Variants in ZFC3H1 observed in about 807,000 individuals in gnomAD.
The protein encoded by ZFC3H1 is zinc finger C3H1 domain-containing protein.
ZFC3H1 carries 71 observed loss-of-function variants against 243.7 expected under a neutral mutation model. That is an observed-to-expected ratio of 0.29 (90% CI 0.24 to 0.36). The LOEUF is 0.36. Ranked by LOEUF, ZFC3H1 falls within the 10% of genes least tolerant of loss-of-function variation. The pLI, the probability that ZFC3H1 is intolerant of heterozygous loss-of-function variation, is 1.00. For synonymous variants in ZFC3H1, 838 were observed against 813.0 expected (o/e 1.03, Z -0.52); for missense variants, 1,966 against 2,317.1 (o/e 0.85, Z 3.11).
chr12:71,651,519 T>G (rs1880886235), intron 2 of ZFC3H1, among the ~76,000 whole-genome samples: 1 of 152,204 alleles, frequency 6.6e-6, no homozygotes, highest in Non-Finnish European at 1.5e-5. Flanking sequence ...CTCAACTAAT[T>G]TTTGAATAAA....
chr12:71,633,949 C>T (rs138843059), intron 12 of ZFC3H1, among the ~76,000 whole-genome samples: 162 of 152,290 alleles, frequency 1.1e-3, no homozygotes, highest in African/African-American at 3.8e-3. Flanking sequence ...TGAGCCACCG[C>T]GCCTGGCCGG....
rs1378989850 is a variant in ZFC3H1, at chr12:71,663,397, A to G, written c.214T>C (p.Ser72Pro). 1.2e-6 allele frequency: 2 copies of G among 1,611,934 alleles called. No homozygotes were observed. Among genetic ancestry groups the G allele is most frequent in the Non-Finnish European group, 1.7e-6 (2 of 1,180,014 alleles). The change falls in exon 1 of 35, where the codon TCT (serine) becomes CCT (proline). Residue 72 changes from serine (S) to proline (P), a missense_variant. Around this residue, in one of 4 missense-constraint regions of ZFC3H1, gnomAD observed 484 missense variants for 449.7 expected, o/e 1.08. Transcript: ENST00000378743. ...TGAGAAGAGGACGATGACGAGGAAG[A>G]GCCACCGCCTCCGCCAGATCCACCG... ...RGGGSGGGGG[S>P]SSSSSSSQQQ...
At chr12:71,636,816 G>C (rs1417148203) in intron 8 of ZFC3H1, 34 bp downstream of exon 8, 2 of 1,608,076 alleles carry the variant, frequency 1.2e-6, no homozygotes, top group East Asian at 4.5e-5. Context: ...CTAAGCTCAA[G>C]AGCACCACCT....
At chr12:71,647,060 A>G (rs944052928) in intron 3 of ZFC3H1, among the ~76,000 whole-genome samples, 8 of 152,214 alleles carry the variant, frequency 5.3e-5, no homozygotes, top group Admixed American at 3.9e-4. Flanking sequence ...ACGTTATATT[A>G]TCATTTCTAA....
intron 27 of ZFC3H1, among the ~76,000 whole-genome samples, chr12:71,616,577 G>C (rs1018464438): frequency 1.1e-4 from 16 of 152,140 alleles, no homozygotes. Context: ...ACTTGACTAA[G>C]TCCATCTTCC....
At chr12:71,635,692 C>G (rs1286000795) in intron 9 of ZFC3H1, 112 bp from the exon 10 acceptor site, 15 of 1,059,790 alleles carry the variant, frequency 1.4e-5, no homozygotes, top group Non-Finnish European at 1.9e-5. Flanking sequence ...ATGGCTCCTT[C>G]TAGGGTTGTA....
intron 1 of ZFC3H1, among the ~76,000 whole-genome samples, chr12:71,659,251 G>C (rs12425141): frequency 0.19 from 29,006 of 152,138 alleles, 3,017 homozygotes; most frequent in East Asian, 0.38. Flanking sequence ...GCTGCTGCCA[G>C]AGTAATCTTT....
intron 18 of ZFC3H1, 43 bp from the exon 19 acceptor site, chr12:71,629,753 C>G (rs376779678): frequency 1.6e-6 from 2 of 1,215,618 alleles, no homozygotes; most frequent in Non-Finnish European, 2.4e-6. Flanking sequence ...ATATCAATTA[C>G]AGAGACTAGG....
intron 1 of ZFC3H1, among the ~76,000 whole-genome samples, chr12:71,662,587 T>C (rs1881212637): frequency 6.7e-6 from 1 of 149,718 alleles, no homozygotes. Context: ...GATTAAAACT[T>C]TACAATTTTC....
In ZFC3H1 at chr12:71,653,081, G is replaced by A. The variant is rs573881593; in HGVS notation, c.1015+3804C>T. ...CAAACCCCCAAAGACCTGAGATACT[G>A]AAAATTAGCAGGGATAGGAGATAAA... On this transcript the variant is annotated intron_variant, in intron 2 of 34. Coordinates refer to ENST00000378743, the MANE Select transcript of ZFC3H1 (RefSeq NM_144982.5). 6.6e-5 allele frequency among the ~76,000 whole-genome samples: 10 copies of A among 152,242 alleles called. No homozygotes were observed. In the South Asian group the frequency reaches 2.1e-3, roughly 32 times the overall value.
chr12:71,634,674 T>A (rs374671633), intron 11 of ZFC3H1, 30 bp downstream of exon 11: 346 of 1,568,496 alleles, frequency 2.2e-4, no homozygotes, highest in Non-Finnish European at 2.8e-4. Context: ...TCACATACTT[T>A]TAATGTTAAT....
At chr12:71,658,517 G>C (rs1053652692) in intron 1 of ZFC3H1, among the ~76,000 whole-genome samples, 9 of 151,912 alleles carry the variant, frequency 5.9e-5, no homozygotes, top group African/African-American at 2.2e-4. Context: ...TTGAAATCCT[G>C]ACCTCAGGTA....
In ZFC3H1 at chr12:71,663,694, CG is replaced by C; in HGVS notation, c.-85del. Reference sequence around the variant, plus strand: ...TTGCCTCGTTTCCCTTCTTTCCTAACGGACTGGGTCGGTGCGGTCTTACCCT... The same window carrying C: ...TTGCCTCGTTTCCCTTCTTTCCTAACGACTGGGTCGGTGCGGTCTTACCCT... On this transcript the variant is annotated 5_prime_UTR_variant, in exon 1 of 35. Transcript: ENST00000378743. 6.7e-7 allele frequency: 1 copy of C among 1,482,208 alleles called. No homozygotes were observed. The highest frequency in any genetic ancestry group is 9.1e-7 in the Non-Finnish European group (1 of 1,096,278). The allele number at this position is 1,482,208 out of a possible 1,614,324, so 91.8% of individuals were successfully genotyped here. A position where few individuals can be genotyped will look rare whatever the true frequency, so the allele number is the denominator to read the frequency against.
chr12:71,647,652 A>C lies in ZFC3H1; in HGVS notation c.1080+97T>G, dbSNP rs1880762112. On this transcript the variant is annotated intron_variant, in intron 3 of 34. Transcript: ENST00000378743. Reference sequence around the variant, plus strand: ...GTTATAGGAATGATGAAAGAAAATAAGTGAAAGTAAGATAGACTTCCCTTA... The same window carrying C: ...GTTATAGGAATGATGAAAGAAAATACGTGAAAGTAAGATAGACTTCCCTTA... The C allele has an allele frequency of 1.5e-5, 10 of 659,398 alleles. No homozygotes were observed. The South Asian group carries it at 1.9e-4, about 12-fold the overall frequency. The allele number at this position is 659,398 out of a possible 1,614,324, so 40.8% of individuals were successfully genotyped here.
intron 24 of ZFC3H1, among the ~76,000 whole-genome samples, chr12:71,621,164 T>G (rs911999152): frequency 3.9e-5 from 6 of 152,178 alleles, no homozygotes; most frequent in Non-Finnish European, 8.8e-5. Context: ...AAAAAATATC[T>G]CATAGCCTCA....
chr12:71,642,406 T>C, intron 6 of ZFC3H1, 30 bp downstream of exon 6: 1 of 1,599,392 alleles, frequency 6.3e-7, no homozygotes, highest in Non-Finnish European at 8.5e-7. Context: ...TACATGTAAA[T>C]ACACAAAGGT....
chr12:71,610,789 G>A, intron 33 of ZFC3H1, 32 bp from the exon 34 acceptor site: 2 of 1,593,666 alleles, frequency 1.3e-6, no homozygotes, highest in Middle Eastern at 1.9e-4. Context: ...AATTCCATCA[G>A]AAAATATAAT....
chr12:71,653,944 C>T (rs151186090), intron 2 of ZFC3H1, among the ~76,000 whole-genome samples: 2,765 of 152,188 alleles, frequency 0.018, 70 homozygotes, highest in African/African-American at 0.062. Flanking sequence ...ACCCAGGAGG[C>T]GGAGGTTGCA....
chr12:71,661,484 CT>C (rs10658535), intron 1 of ZFC3H1, among the ~76,000 whole-genome samples: 146 of 130,820 alleles, frequency 1.1e-3, no homozygotes, highest in Middle Eastern at 3.8e-3. Context: ...TATAATTTTC[CT>C]TTTTTTTTTT....
Sources: allele counts gnomAD v4.1 joint callset (sites outside exome capture counted in the v4.1 genomes callset), GRCh38; gene constraint gnomAD v4.1.1; regional missense constraint gnomAD v4.1.1; transcripts MANE v1.5; gene names NCBI Gene and HGNC (gene_info 2026-07-23, HGNC 2026-07-21).